The following AUTS2 variants were observed in gnomAD, a reference collection of about 807,000 sequenced individuals.
AUTS2 encodes autism susceptibility gene 2 protein.
In AUTS2, 17 loss-of-function variants were observed where a neutral mutation model predicts 112.4. The observed-to-expected ratio is 0.15, with a 90% CI of 0.10 to 0.23. The LOEUF (loss-of-function observed/expected upper bound fraction) is 0.23, where lower values mean the gene tolerates loss of function less well. Among genes scored for constraint, AUTS2 ranks in the 10% least tolerant of loss-of-function variants. The pLI, the probability that AUTS2 is intolerant of heterozygous loss-of-function variation, is 1.00. For missense variants in AUTS2, 1,510 were observed against 1,701.6 expected (o/e 0.89, Z 1.98); for synonymous variants, 751 against 702.7 (o/e 1.07, Z -1.09).
At chr7:70,776,844 C>T (rs561343722) in intron 13 of AUTS2, 72 of 511,386 alleles carry the variant, frequency 1.4e-4, no homozygotes, top group South Asian at 1.3e-3. Context: ...GCCGTCTTGT[C>T]CTTGGTAACC....
rs115471528 is a variant in AUTS2, at chr7:70,722,841, G to A, written c.742+24221G>A. Among the ~76,000 whole-genome samples, 1,067 of 152,226 alleles carry A rather than the reference G, an allele frequency of 7.0e-3. 15 individuals carry two copies. Among genetic ancestry groups the A allele is most frequent in the African/African-American group, 0.023 (938 of 41,540 alleles). On this transcript the variant is annotated intron_variant, in intron 6 of 18. Coordinates refer to ENST00000342771, the MANE Select transcript of AUTS2 (RefSeq NM_015570.4). ...CAGATTCAAACTGTTGAGTATTTTAGGGAGCCTCGCAGTGTCAGACAGGCC... is the reference window on the plus strand; with the variant it reads ...CAGATTCAAACTGTTGAGTATTTTAAGGAGCCTCGCAGTGTCAGACAGGCC...
intron 4 of AUTS2, among the ~76,000 whole-genome samples, chr7:70,324,640 T>C (rs1790404108): frequency 6.6e-6 from 1 of 151,982 alleles, no homozygotes; most frequent in South Asian, 2.1e-4. Context: ...AAATAATAAT[T>C]ACAGGGTTGG....
chr7:70,768,421 A>G lies in AUTS2; in HGVS notation c.1734+353A>G, dbSNP rs1372602028. Among the ~76,000 whole-genome samples, 4 of 152,218 alleles carry G rather than the reference A, an allele frequency of 2.6e-5. No individual in the cohort carries two copies. The East Asian group carries it at 7.7e-4, about 29-fold the overall frequency. ...TCGTCAGTTGAAATGCCACTAACACAGAAGTTCTGGAATGCAACCTGAATT... is the reference window on the plus strand; with the variant it reads ...TCGTCAGTTGAAATGCCACTAACACGGAAGTTCTGGAATGCAACCTGAATT... On this transcript the variant is annotated intron_variant, in intron 10 of 18. Transcript: ENST00000342771.
At chr7:70,237,103 A>G (rs1337316195) in intron 4 of AUTS2, among the ~76,000 whole-genome samples, 2 of 152,328 alleles carry the variant, frequency 1.3e-5, no homozygotes, top group East Asian at 1.9e-4. Context: ...GTCTTGCACT[A>G]GACTCTAGAC....
intron 5 of AUTS2, among the ~76,000 whole-genome samples, chr7:70,544,182 C>A (rs1015426736): frequency 1.3e-5 from 2 of 152,190 alleles, no homozygotes; most frequent in Non-Finnish European, 2.9e-5. Context: ...CACAGGAATC[C>A]TCATAGTCTG....
At chr7:70,178,518 G>A (rs1809118175) in intron 4 of AUTS2, among the ~76,000 whole-genome samples, 18 of 152,076 alleles carry the variant, frequency 1.2e-4, no homozygotes. Context: ...AGATCCTACA[G>A]GCCAGGCACA....
intron 2 of AUTS2, among the ~76,000 whole-genome samples, chr7:69,923,199 G>A (rs1795880786): frequency 6.6e-6 from 1 of 152,118 alleles, no homozygotes; most frequent in Non-Finnish European, 1.5e-5. Flanking sequence ...TTTTGCATAT[G>A]GATATTCAAT....
chr7:69,774,718 A>G (rs1262012167), intron 1 of AUTS2, among the ~76,000 whole-genome samples: 1 of 152,250 alleles, frequency 6.6e-6, no homozygotes, highest in Non-Finnish European at 1.5e-5. Context: ...CAAATAGTGT[A>G]CTTAGAGCAG....
chr7:70,683,543 G>C lies in AUTS2; in HGVS notation c.691-15026G>C, dbSNP rs151272843. On this transcript the variant is annotated intron_variant, in intron 5 of 18. Coordinates refer to ENST00000342771, the MANE Select transcript of AUTS2 (RefSeq NM_015570.4). ...GCCCCTAAAGGAATGGCAGTGTCCA[G>C]AGGTGAGCCGAGAAACAACTACATG... 2.4e-3 allele frequency among the ~76,000 whole-genome samples: 367 copies of C among 152,344 alleles called. 5 individuals are homozygous for C. The East Asian group carries it at 0.036, about 15-fold the overall frequency.
chr7:69,931,777 T>C (rs1270719536), intron 2 of AUTS2, among the ~76,000 whole-genome samples: 1 of 152,208 alleles, frequency 6.6e-6, no homozygotes, highest in Non-Finnish European at 1.5e-5. Context: ...GGTCAGATTT[T>C]ATAAAACTCT....
At chr7:70,448,802 C>A (rs1796419110) in intron 5 of AUTS2, among the ~76,000 whole-genome samples, 1 of 152,200 alleles carries the variant, frequency 6.6e-6, no homozygotes, top group Admixed American at 6.5e-5. Context: ...TGAGAAAAAT[C>A]AGAGTTTACC....
chr7:70,783,665 T>C (rs957774790), intron 15 of AUTS2: 1 of 152,232 alleles, frequency 6.6e-6, no homozygotes, highest in Non-Finnish European at 1.5e-5. Flanking sequence ...AAAATAGTTA[T>C]TTGGTGAACC....
At chr7:69,767,391 G>C (rs1788474454) in intron 1 of AUTS2, among the ~76,000 whole-genome samples, 1 of 152,040 alleles carries the variant, frequency 6.6e-6, no homozygotes, top group Non-Finnish European at 1.5e-5. Context: ...TGCCCAGGCT[G>C]GACTCAAACT....
intron 6 of AUTS2, among the ~76,000 whole-genome samples, chr7:70,741,817 G>A (rs546098877): frequency 2.0e-5 from 3 of 152,268 alleles, no homozygotes; most frequent in South Asian, 2.1e-4. Context: ...TTATAGTGGC[G>A]TGGTGGAAGG....
chr7:70,637,989 G>C (rs1426932862), intron 5 of AUTS2, among the ~76,000 whole-genome samples: 1 of 152,160 alleles, frequency 6.6e-6, no homozygotes, highest in African/African-American at 2.4e-5. Context: ...CCAAGGGACA[G>C]GAAGTGGCTG....
intron 6 of AUTS2, among the ~76,000 whole-genome samples, chr7:70,732,897 A>G (rs189830309): frequency 1.1e-3 from 160 of 152,362 alleles, no homozygotes; most frequent in African/African-American, 3.8e-3. Context: ...CTTGAGGTAG[A>G]TGTGGCACAT....
intron 4 of AUTS2, among the ~76,000 whole-genome samples, chr7:70,219,573 C>CTTT (rs1342047199): frequency 1.5e-5 from 2 of 137,894 alleles, no homozygotes; most frequent in African/African-American, 2.6e-5. Context: ...TTTTCTTTTC[C>CTTT]TTTTTTTTTT....
At chr7:70,730,476 G>T (rs112972059) in intron 6 of AUTS2, among the ~76,000 whole-genome samples, 1 of 152,110 alleles carries the variant, frequency 6.6e-6, no homozygotes, top group Non-Finnish European at 1.5e-5. Context: ...GGCTTTGCCC[G>T]TTCCTGGGCA....
chr7:70,237,145 G>A (rs938286636), intron 4 of AUTS2, among the ~76,000 whole-genome samples: 2 of 152,128 alleles, frequency 1.3e-5, no homozygotes, highest in Non-Finnish European at 2.9e-5. Context: ...CTTGTTCACT[G>A]TTGATTCCTG....
Sources: allele counts gnomAD v4.1 joint callset (sites outside exome capture counted in the v4.1 genomes callset), GRCh38; gene constraint gnomAD v4.1.1; transcripts MANE v1.5; gene names NCBI Gene and HGNC (gene_info 2026-07-23, HGNC 2026-07-21).